NALF1: variants seen among roughly 807,000 people sequenced by gnomAD.
The protein encoded by NALF1 is family with sequence similarity 155 member A.
NALF1 carries 3 observed loss-of-function variants against 48.4 expected under a neutral mutation model. The observed-to-expected ratio is 0.06, with a 90% confidence interval of 0.03 to 0.16. The LOEUF is 0.16. Among genes scored for constraint, NALF1 ranks in the 10% least tolerant of loss-of-function variants. The pLI is 1.00. For synonymous variants in NALF1, 262 were observed against 245.7 expected, an observed-to-expected ratio of 1.07 and a Z score of -0.62; for missense variants, 526 against 571.5, an observed-to-expected ratio of 0.92 and a Z score of 0.81.
At chr13:107,744,425 G>A (rs1876725847) in intron 1 of NALF1, among the ~76,000 whole-genome samples, 1 of 152,100 alleles carries the variant, frequency 6.6e-6, no homozygotes, top group African/African-American at 2.4e-5. Context: ...ATATCCCCAA[G>A]CCCGAAACTT....
chr13:107,866,396 G>C lies in NALF1; in HGVS notation c.201C>G (p.Ala67=). 6.2e-7 allele frequency: 1 copy of C among 1,613,810 alleles called. No individual in the cohort carries two copies. The highest frequency in any genetic ancestry group is 1.1e-5 in the South Asian group (1 of 91,068). The change falls in exon 1 of 3, where the codon GCC becomes GCG. Residue 67 remains alanine, a synonymous_variant. Transcript: ENST00000375915. This position sits in a 1 kb window ranked among gnomAD's most constrained non-coding sequence, Gnocchi z 4.4. ...GCTGCTGCTGGTGCTCCTTGTCCCG[G>C]GCCCGGGTCAGCTTGGCCTCGGCGC... ...WFCAEAKLTR[A]RDKEHQQQQR...
Position 107,173,939 on chromosome 13 carries a change from T to G in NALF1, c.1088-3153A>C, listed in dbSNP as rs568192431. ...ATTACTTCATCCCTTAACTCTGCTT[T>G]CAGGGAATTTGGTGAGTTTTCACGT... On this transcript the variant is annotated intron_variant, in intron 2 of 2. Transcript: ENST00000375915. Among the ~76,000 whole-genome samples, 65 of 152,354 alleles carry G rather than the reference T, an allele frequency of 4.3e-4. No individual in the cohort carries two copies. In the South Asian group the frequency reaches 0.013, roughly 32 times the overall value.
intron 1 of NALF1, among the ~76,000 whole-genome samples, chr13:107,838,745 A>T (rs1315801239): frequency 2.6e-5 from 4 of 152,180 alleles, no homozygotes; most frequent in Non-Finnish European, 5.9e-5. Context: ...GTTTAAAAAA[A>T]ATACATGCTG....
intron 1 of NALF1, among the ~76,000 whole-genome samples, chr13:107,416,037 C>T (rs1414258365): frequency 3.3e-5 from 5 of 150,564 alleles, no homozygotes; most frequent in Non-Finnish European, 5.9e-5. Flanking sequence ...GATGGTGTCT[C>T]GCTCTGTCGC....
At chr13:107,611,310 A>G (rs944521747) in intron 1 of NALF1, among the ~76,000 whole-genome samples, 6 of 152,228 alleles carry the variant, frequency 3.9e-5, no homozygotes, top group South Asian at 2.1e-4. Flanking sequence ...AATTAAAAAT[A>G]GAATTATCAT....
At chr13:107,754,137 G>A (rs527284079) in intron 1 of NALF1, among the ~76,000 whole-genome samples, 2 of 152,310 alleles carry the variant, frequency 1.3e-5, no homozygotes, top group South Asian at 4.1e-4. Context: ...TAAGTCGTCA[G>A]ATAGGAACTC....
At chr13:107,837,805 AG>A (rs899900494) in intron 1 of NALF1, among the ~76,000 whole-genome samples, 11 of 152,076 alleles carry the variant, frequency 7.2e-5, no homozygotes, top group Non-Finnish European at 1.6e-4. Flanking sequence ...ATACTTTACC[AG>A]TTCTTTCTGC....
At chr13:107,462,108 C>T (rs1884928525) in intron 1 of NALF1, among the ~76,000 whole-genome samples, 1 of 152,158 alleles carries the variant, frequency 6.6e-6, no homozygotes, top group South Asian at 2.1e-4. Flanking sequence ...GGAAAGTTTT[C>T]TCTATTTACC....
At chr13:107,723,599 T>A (rs532984072) in intron 1 of NALF1, among the ~76,000 whole-genome samples, 1 of 152,168 alleles carries the variant, frequency 6.6e-6, no homozygotes, top group African/African-American at 2.4e-5. Context: ...CAGGAGAGAA[T>A]ATTGCAGGCC....
chr13:107,543,148 AT>A (rs1382518746), intron 1 of NALF1, among the ~76,000 whole-genome samples: 1 of 152,134 alleles, frequency 6.6e-6, no homozygotes, highest in African/African-American at 2.4e-5. Context: ...CCAAATGATT[AT>A]CTTTTGAAAA....
chr13:107,442,193 G>A (rs190668411), intron 1 of NALF1, among the ~76,000 whole-genome samples: 1 of 152,094 alleles, frequency 6.6e-6, no homozygotes, highest in African/African-American at 2.4e-5. Flanking sequence ...GGGAGAGAGA[G>A]GGAGAGCAAG....
intron 1 of NALF1, among the ~76,000 whole-genome samples, chr13:107,420,447 T>C (rs1432422053): frequency 2.6e-5 from 4 of 152,142 alleles, no homozygotes; most frequent in African/African-American, 7.2e-5. Flanking sequence ...CATTTTTTTA[T>C]TATGAAGTCA....
At chr13:107,756,869 G>T (rs1185376741) in intron 1 of NALF1, among the ~76,000 whole-genome samples, 1 of 152,084 alleles carries the variant, frequency 6.6e-6, no homozygotes, top group East Asian at 1.9e-4. Flanking sequence ...AAAGTTTAAG[G>T]ATATGATTTT....
At chr13:107,671,854 A>G (rs1172001019) in intron 1 of NALF1, among the ~76,000 whole-genome samples, 2 of 152,152 alleles carry the variant, frequency 1.3e-5, no homozygotes, top group Non-Finnish European at 2.9e-5. Context: ...CTGGAAGAAT[A>G]TATATTAAAA....
intron 1 of NALF1, among the ~76,000 whole-genome samples, chr13:107,678,125 A>G (rs1385411092): frequency 1.3e-5 from 2 of 152,240 alleles, no homozygotes; most frequent in Non-Finnish European, 2.9e-5. Flanking sequence ...AGGAAAAATT[A>G]TCCTGGCTAG....
Position 107,477,337 on chromosome 13 carries a change from T to C in NALF1, c.916-266582A>G, listed in dbSNP as rs79112182. Among the ~76,000 whole-genome samples the C allele has an allele frequency of 6.2e-3, 938 of 152,238 alleles. 31 individuals carry two copies. The East Asian group carries it at 0.1, about 16-fold the overall frequency. On this transcript the variant is annotated intron_variant, in intron 1 of 2. Coordinates refer to ENST00000375915, the MANE Select transcript of NALF1 (RefSeq NM_001080396.3). ...AACAGCACCCCTCTCAGCAAATTGCTCTTTTATAGAACAAATGTTTATTTA... is the reference window on the plus strand; with the variant it reads ...AACAGCACCCCTCTCAGCAAATTGCCCTTTTATAGAACAAATGTTTATTTA...
chr13:107,403,454 G>C (rs1883847302), intron 1 of NALF1, among the ~76,000 whole-genome samples: 2 of 151,516 alleles, frequency 1.3e-5, no homozygotes, highest in South Asian at 4.2e-4. Context: ...AAAGTAGCAT[G>C]CTTGAAGTGA....
At chr13:107,179,392 G>A (rs1224319403) in intron 2 of NALF1, among the ~76,000 whole-genome samples, 1 of 151,914 alleles carries the variant, frequency 6.6e-6, no homozygotes, top group Non-Finnish European at 1.5e-5. Flanking sequence ...GTTGGTAGTG[G>A]GGATGGCTAA....
At chr13:107,737,339 ATTATT>A (rs1196013780) in intron 1 of NALF1, among the ~76,000 whole-genome samples, 1 of 152,218 alleles carries the variant, frequency 6.6e-6, no homozygotes, top group Non-Finnish European at 1.5e-5. Flanking sequence ...ACTAAGCCAA[ATTATT>A]TTAAATAGTT....
Sources: gnomAD v4.1 joint callset for allele counts (sites outside exome capture counted in the v4.1 genomes callset) on GRCh38, gnomAD v4.1.1 for gene constraint, Gnocchi (gnomAD v3.1) non-coding constraint, MANE v1.5 for transcripts, NCBI Gene and HGNC (gene_info 2026-07-23, HGNC 2026-07-21) for gene names.